LAS1L: variants seen among roughly 807,000 people sequenced by gnomAD.
LAS1L encodes ribosomal biogenesis protein LAS1L.
Under a neutral mutation model 57.3 loss-of-function variants are expected in LAS1L, and 5 were observed. That is an observed-to-expected ratio of 0.09 (90% CI 0.05 to 0.18). LAS1L has a LOEUF of 0.18. Among genes scored for constraint, LAS1L ranks in the 10% least tolerant of loss-of-function variants. The pLI is 1.00. For synonymous variants in LAS1L, 245 were observed against 231.7 expected, an observed-to-expected ratio of 1.06 and a Z score of -0.52; for missense variants, 360 against 568.3, an observed-to-expected ratio of 0.63 and a Z score of 3.73.
intron 11 of LAS1L, among the ~76,000 whole-genome samples, chrX:65,519,773 T>C (rs1287820837): frequency 2.7e-5 from 3 of 110,495 alleles, no homozygotes; most frequent in Non-Finnish European, 5.7e-5. Flanking sequence ...GGCTGTTTTC[T>C]CTCTGGGCAC....
intron 13 of LAS1L, among the ~76,000 whole-genome samples, chrX:65,513,194 G>A (rs761762365): frequency 8.0e-5 from 9 of 112,182 alleles, no homozygotes; most frequent in Non-Finnish European, 3.8e-5. Flanking sequence ...AGGTAGGGGA[G>A]GGGGCCCCAC....
chrX:65,520,398 C>T (rs1290247725), intron 11 of LAS1L: 1 of 729,731 alleles, frequency 1.4e-6, no homozygotes, highest in African/African-American at 2.3e-5. Flanking sequence ...AAGTTAACCT[C>T]TACAAAAAAA....
chrX:65,517,246 C>A (rs971173484), intron 12 of LAS1L, among the ~76,000 whole-genome samples: 1 of 88,517 alleles, frequency 1.1e-5, no homozygotes, highest in East Asian at 2.9e-4. Flanking sequence ...TTCTTTCTTT[C>A]TTTCTTTTTT....
chrX:65,512,725 G>A lies in LAS1L; in HGVS notation c.*50C>T, dbSNP rs1394216185. The stretch of plus-strand genomic sequence containing the variant: ...GGGAGCATCAGTTGTACTAGGGGGT[G>A]GGCTGTTGCCCTGGCACGGCTGGAT... On this transcript the variant is annotated 3_prime_UTR_variant, in exon 14 of 14. Transcript: ENST00000374811. The A allele has an allele frequency of 1.8e-6, 2 of 1,140,151 alleles. No homozygotes were observed. The highest frequency in any genetic ancestry group is 6.6e-5 in the East Asian group (2 of 30,495). 94.0% of individuals were successfully genotyped at this position (1,140,151 alleles called of 1,213,427 possible).
Position 65,524,959 on chromosome X carries a change from C to T in LAS1L, c.1042+6G>A. The T allele has an allele frequency of 8.3e-7, 1 of 1,202,231 alleles. No individual in the cohort carries two copies. ...CTAAGGGTGCAGTGAGCCCCCAGAA[C>T]CCTACCTTCATATTCTATCTGCAAA... On this transcript the variant is annotated splice_donor_region_variant and intron_variant, in intron 8 of 13. Transcript: ENST00000374811.
In LAS1L at chrX:65,518,436, G is replaced by A; in HGVS notation, c.1478C>T (p.Pro493Leu). ...IIFKAMGQGL[P>L]DEEQEKLLRI... Reference sequence around the variant, plus strand: ...CAGCAGCTTCTCCTGCTCCTCGTCTGGCAGGCCCTGCCCCATGGCTTTGAA... The same window carrying A: ...CAGCAGCTTCTCCTGCTCCTCGTCTAGCAGGCCCTGCCCCATGGCTTTGAA... Residue 493 changes from proline to leucine, a missense_variant, in exon 12 of 14, where the codon CCA becomes CTA. Physicochemically the swap from Pro to Leu is moderately conservative, Grantham distance 98. Around this residue, in one of 7 missense-constraint regions of LAS1L, gnomAD observed 81 missense variants for 192.1 expected, o/e 0.42. Coordinates refer to ENST00000374811, the MANE Select transcript of LAS1L (RefSeq NM_031206.7). 8.3e-7 allele frequency: 1 copy of A among 1,207,174 alleles called. No individual in the cohort carries two copies. Among genetic ancestry groups the A allele is most frequent in the Non-Finnish European group, 1.1e-6 (1 of 893,113 alleles).
chrX:65,534,320 G>A (rs990460333), intron 1 of LAS1L, among the ~76,000 whole-genome samples, 160 bp downstream of exon 1: 1 of 112,068 alleles, frequency 8.9e-6, no homozygotes, highest in African/African-American at 3.2e-5. Context: ...AACGGGATTA[G>A]CGCAAGAGAT....
chrX:65,531,433 A>C lies in LAS1L; in HGVS notation c.438T>G (p.Asn146Lys). The C allele has an allele frequency of 8.4e-7, 1 of 1,191,421 alleles. No homozygotes were observed. The highest frequency in any genetic ancestry group is 1.1e-6 in the Non-Finnish European group (1 of 877,147). ...VPLKCLAQEVNIPDWIVDLRH... is the reference protein window; with the variant it reads ...VPLKCLAQEVKIPDWIVDLRH... ...GAAGGTCAACAATCCAATCCGGAAT[A>C]TTTACCTGATTACAGGGGAGGGTGT... is the stretch of plus-strand genomic sequence containing the variant. Residue 146 changes from asparagine to lysine, a missense_variant, in exon 4 of 14, where the codon AAT (asparagine) becomes AAG (lysine). Physicochemically the swap from Asn to Lys is moderately conservative, Grantham distance 94 (BLOSUM62 0). Transcript: ENST00000374811.
Position 65,530,920 on chromosome X carries a change from T to C in LAS1L, c.514+437A>G, listed in dbSNP as rs189051199. Reference sequence around the variant, plus strand: ...ATCACTTGAACTCGAGAGGTGGAGGTTGCAGTGAGCCAAGGTCGTGCCACT... The same window carrying C: ...ATCACTTGAACTCGAGAGGTGGAGGCTGCAGTGAGCCAAGGTCGTGCCACT... On this transcript the variant is annotated intron_variant, in intron 4 of 13. Transcript: ENST00000374811. Among the ~76,000 whole-genome samples the C allele has an allele frequency of 4.3e-3, 464 of 108,300 alleles. 2 individuals carry two copies. The highest frequency in any genetic ancestry group is 0.014 in the African/African-American group (407 of 29,599). 94.0% of individuals were successfully genotyped at this position (108,300 alleles called of 115,157 possible).
Position 65,534,711 on chromosome X carries a change from G to C in LAS1L, c.5C>G (p.Ser2Trp). 8.6e-7 allele frequency: 1 copy of C among 1,159,706 alleles called. No individual in the cohort carries two copies. Among genetic ancestry groups the C allele is most frequent in the Non-Finnish European group, 1.2e-6 (1 of 866,469 alleles). M[S>W]WESGAGPGLG... ...ACCTGGCCCGGCCCCGGATTCCCAC[G>C]ACATACTGAGCTCAACAACAGGCTC... Residue 2 changes from serine to tryptophan, a missense_variant, in exon 1 of 14, where the codon TCG (serine) becomes TGG (tryptophan). Physicochemically the swap from Ser to Trp is radical, Grantham distance 177. Around this residue, in one of 7 missense-constraint regions of LAS1L, gnomAD observed 36 missense variants for 27.9 expected, o/e 1.29. Coordinates refer to ENST00000374811, the MANE Select transcript of LAS1L (RefSeq NM_031206.7).
At chrX:65,533,004 C>G (rs2069578518) in intron 2 of LAS1L, among the ~76,000 whole-genome samples, 1 of 112,203 alleles carries the variant, frequency 8.9e-6, no homozygotes, top group Non-Finnish European at 1.9e-5. Context: ...AAGGGAGGAT[C>G]TCAAGGCAGA....
In LAS1L at chrX:65,524,066, G is replaced by A; in HGVS notation, c.1290C>T (p.Asn430=). The change falls in exon 10 of 14, where the codon AAC becomes AAT. Residue 430 remains asparagine (N), a synonymous_variant. Transcript: ENST00000374811. ...LRWTVELIVA[N]TKTGRNARRF... Reference sequence around the variant, plus strand: ...GCTAGTCTCCCTCACCAGTCTTGGTGTTGGCCACGATCAGTTCAACGGTCC... The same window carrying A: ...GCTAGTCTCCCTCACCAGTCTTGGTATTGGCCACGATCAGTTCAACGGTCC... The A allele has an allele frequency of 8.3e-7, 1 of 1,210,219 alleles. No homozygotes were observed. Among genetic ancestry groups the A allele is most frequent in the Non-Finnish European group, 1.1e-6 (1 of 894,477 alleles).
Position 65,518,243 on chromosome X carries a change from C to T in LAS1L, c.1671G>A (p.Glu557=), listed in dbSNP as rs1011641593. 2 of 1,212,273 alleles carry T rather than the reference C, an allele frequency of 1.6e-6. No individual in the cohort carries two copies. Among genetic ancestry groups the T allele is most frequent in the Admixed American group, 2.2e-5 (1 of 46,143 alleles). Residue 557 remains glutamate (E), a synonymous_variant, in exon 12 of 14, where the codon GAG becomes GAA. Transcript: ENST00000374811. ...GSEAKAQQQE[E]QGSVNDVKEE... ...CCTTGACATCATTAACACTGCCCTG[C>T]TCCTCCTGTTGCTGGGCCTTTGCTT... is the stretch of plus-strand genomic sequence containing the variant.
chrX:65,530,282 C>T (rs941807726), intron 4 of LAS1L, among the ~76,000 whole-genome samples: 3 of 112,020 alleles, frequency 2.7e-5, no homozygotes, highest in African/African-American at 9.7e-5. Flanking sequence ...GTCCAAGGAA[C>T]CCTTGGGTTC....
chrX:65,532,393 A>G (rs2069545204), intron 3 of LAS1L, among the ~76,000 whole-genome samples, 168 bp downstream of exon 3: 1 of 112,765 alleles, frequency 8.9e-6, no homozygotes, highest in Non-Finnish European at 1.9e-5. Context: ...AGAGCAAGGG[A>G]GCAACTGTGC....
At position 65,529,678 on chromosome X, in the gene LAS1L, C is replaced by A. The variant is rs750436732; in HGVS notation, c.715G>T (p.Asp239Tyr). The change falls in exon 5 of 14, where the codon GAT becomes TAT. Residue 239 changes from aspartate to tyrosine, a missense_variant. Physicochemically the swap from Asp to Tyr is radical, Grantham distance 160 (BLOSUM62 -3). Around this residue, in one of 7 missense-constraint regions of LAS1L, gnomAD observed 51 missense variants for 43.1 expected, o/e 1.18. Transcript: ENST00000374811. ...PQDDGKSTES[D>Y]VKADGDSKGS... ...TTGCTGTCTCCATCGGCCTTTACATCTGACTCCGTACTTTTCCCATCATCC... is the reference window on the plus strand; with the variant it reads ...TTGCTGTCTCCATCGGCCTTTACATATGACTCCGTACTTTTCCCATCATCC... The A allele has an allele frequency of 2.3e-5, 28 of 1,209,967 alleles. No homozygotes were observed. In the Admixed American group the frequency reaches 5.2e-4, roughly 23 times the overall value.
chrX:65,531,271 C>A, intron 4 of LAS1L, 86 bp downstream of exon 4: 1 of 605,135 alleles, frequency 1.7e-6, no homozygotes, highest in Admixed American at 2.9e-5. Flanking sequence ...CAGGTGGAGA[C>A]CCTCCTGCCT....
In LAS1L at chrX:65,524,288, G is replaced by C. The variant is rs771153611; in HGVS notation, c.1094-26C>G. 4.5e-5 allele frequency: 51 copies of C among 1,122,752 alleles called. No individual in the cohort carries two copies. The South Asian group carries it at 6.6e-4, about 15-fold the overall frequency. The allele number at this position is 1,122,752 out of a possible 1,213,427, so 92.5% of individuals were successfully genotyped here. ...CTGGTTTGTAAGGGACACCCATTTG[G>C]GGGGGCAATAGGAGAGAGAGAGCAG... On this transcript the variant is annotated intron_variant, in intron 9 of 13. Coordinates refer to ENST00000374811, the MANE Select transcript of LAS1L (RefSeq NM_031206.7).
chrX:65,523,497 G>A, intron 11 of LAS1L, 63 bp downstream of exon 11: 1 of 1,066,196 alleles, frequency 9.4e-7, no homozygotes, highest in Non-Finnish European at 1.2e-6. Context: ...TCATTCTAGG[G>A]CAGTGTGGCC....
Sources: allele counts gnomAD v4.1 joint callset (sites outside exome capture counted in the v4.1 genomes callset), GRCh38; gene constraint gnomAD v4.1.1; regional missense constraint gnomAD v4.1.1; transcripts MANE v1.5; gene names NCBI Gene and HGNC (gene_info 2026-07-23, HGNC 2026-07-21).